PHKB: variants seen among roughly 807,000 people sequenced by gnomAD.
PHKB encodes phosphorylase b kinase regulatory subunit beta.
In PHKB, 122 loss-of-function variants were observed where a neutral mutation model predicts 152.1. That is an observed-to-expected ratio of 0.80 (90% CI 0.69 to 0.93). The LOEUF (loss-of-function observed/expected upper bound fraction) is 0.93. PHKB is among the 40% of genes least tolerant of loss of function. The pLI is 0.00. For missense variants in PHKB, 1,304 were observed against 1,328.4 expected, an observed-to-expected ratio of 0.98 and a Z score of 0.29; for synonymous variants, 436 against 464.9, an observed-to-expected ratio of 0.94 and a Z score of 0.80.
chr16:47,609,092 G>A (rs908608738), intron 13 of PHKB, among the ~76,000 whole-genome samples: 1 of 152,074 alleles, frequency 6.6e-6, no homozygotes, highest in Non-Finnish European at 1.5e-5. Context: ...TTCCTACTTT[G>A]TTGAATGCTT....
At chr16:47,524,058 T>C (rs1475340061) in intron 6 of PHKB, among the ~76,000 whole-genome samples, 2 of 152,196 alleles carry the variant, frequency 1.3e-5, no homozygotes, top group African/African-American at 2.4e-5. Flanking sequence ...CAAAGCTCAC[T>C]CTACTTAGTG....
intron 10 of PHKB, among the ~76,000 whole-genome samples, chr16:47,591,084 T>C (rs1451354059): frequency 6.6e-6 from 1 of 152,198 alleles, no homozygotes; most frequent in Admixed American, 6.5e-5. Context: ...CTCACTTGTT[T>C]TCTTCTGTGA....
intron 5 of PHKB, among the ~76,000 whole-genome samples, chr16:47,513,043 G>A (rs1970536561): frequency 6.6e-6 from 1 of 152,198 alleles, no homozygotes. Flanking sequence ...CAGATTTTAT[G>A]TGTCTTTTCC....
intron 6 of PHKB, among the ~76,000 whole-genome samples, chr16:47,521,820 T>G (rs1052858039): frequency 1.3e-5 from 2 of 152,196 alleles, no homozygotes; most frequent in Non-Finnish European, 2.9e-5. Context: ...GAGATGATTA[T>G]GTGATCTTTG....
At chr16:47,694,755 C>A (rs1388222524) in intron 28 of PHKB, among the ~76,000 whole-genome samples, 1 of 152,152 alleles carries the variant, frequency 6.6e-6, no homozygotes, top group Admixed American at 6.5e-5. Context: ...GGAGTTCAAA[C>A]CCTCTGGCAA....
At position 47,613,008 on chromosome 16, in the gene PHKB, A is replaced by T. The variant is rs559253236; in HGVS notation, c.1458+2088A>T. On this transcript the variant is annotated intron_variant, in intron 14 of 30. Transcript: ENST00000323584. ...ATTTTGTAACTAACTGATCTTTGGGAATTCACTAGGTGCTTTAAACCCTAC... is the reference window on the plus strand; with the variant it reads ...ATTTTGTAACTAACTGATCTTTGGGTATTCACTAGGTGCTTTAAACCCTAC... 2.0e-5 allele frequency among the ~76,000 whole-genome samples: 3 copies of T among 152,300 alleles called. No homozygotes were observed. In the South Asian group the frequency reaches 6.2e-4, roughly 32 times the overall value.
intron 7 of PHKB, among the ~76,000 whole-genome samples, chr16:47,577,450 G>C (rs1345949515): frequency 6.6e-6 from 1 of 151,960 alleles, no homozygotes; most frequent in Non-Finnish European, 1.5e-5. Context: ...CATGTTTTTT[G>C]TTTCTTTTTG....
At chr16:47,622,497 T>C (rs542561403) in intron 14 of PHKB, among the ~76,000 whole-genome samples, 1 of 152,302 alleles carries the variant, frequency 6.6e-6, no homozygotes, top group African/African-American at 2.4e-5. Context: ...GTGAATAAAA[T>C]ACAAGTATTT....
In PHKB at chr16:47,563,147, A is replaced by T. The variant is rs537167152; in HGVS notation, c.710+15599A>T. ...CTTGAACTCCTCACGCTTATCCATGACATTTGGAATCAGCTTCTTCCAAAC... is the reference window on the plus strand; with the variant it reads ...CTTGAACTCCTCACGCTTATCCATGTCATTTGGAATCAGCTTCTTCCAAAC... On this transcript the variant is annotated intron_variant, in intron 7 of 30. Coordinates refer to ENST00000323584, the MANE Select transcript of PHKB (RefSeq NM_000293.3). Among the ~76,000 whole-genome samples the T allele has an allele frequency of 4.0e-5, 6 of 151,734 alleles. No homozygotes were observed. The South Asian group carries it at 6.3e-4, about 16-fold the overall frequency.
chr16:47,675,042 A>G (rs956515872), intron 26 of PHKB, among the ~76,000 whole-genome samples: 2 of 152,208 alleles, frequency 1.3e-5, no homozygotes, highest in Non-Finnish European at 1.5e-5. Flanking sequence ...AAGAGATCTA[A>G]TGTTTGCTGA....
At chr16:47,506,027 CAAAA>C (rs1198434467) in intron 4 of PHKB, among the ~76,000 whole-genome samples, 1 of 50,258 alleles carries the variant, frequency 2.0e-5, no homozygotes, top group Middle Eastern at 0.014. Flanking sequence ...GAAACTGTCT[CAAAA>C]AAAAAAAAAA....
At chr16:47,513,340 G>A (rs771658977) in intron 5 of PHKB, among the ~76,000 whole-genome samples, 18 of 152,206 alleles carry the variant, frequency 1.2e-4, no homozygotes, top group Non-Finnish European at 2.5e-4. Context: ...AATGCTGTAA[G>A]AGAACATATA....
intron 6 of PHKB, among the ~76,000 whole-genome samples, chr16:47,544,519 A>G (rs968974086): frequency 2.0e-5 from 3 of 152,270 alleles, no homozygotes; most frequent in Non-Finnish European, 4.4e-5. Flanking sequence ...TATGTGGTCA[A>G]TTTTGTAATA....
chr16:47,525,474 G>A (rs1210897140), intron 6 of PHKB, among the ~76,000 whole-genome samples: 1 of 152,118 alleles, frequency 6.6e-6, no homozygotes, highest in Non-Finnish European at 1.5e-5. Context: ...AAGAGATGAT[G>A]ACTGTCAATC....
rs75589113 is a variant in PHKB at position 47,540,819 on chromosome 16, G to GTTT, written c.595-6593_595-6591dup. 3.5e-3 allele frequency among the ~76,000 whole-genome samples: 223 copies of GTTT among 64,290 alleles called. 1 individual carries two copies. The highest frequency in any genetic ancestry group is 0.013 in the Middle Eastern group (1 of 76). The allele number at this position is 64,290 out of a possible 152,430, so 42.2% of individuals were successfully genotyped here. On this transcript the variant is annotated intron_variant, in intron 6 of 30. Coordinates refer to ENST00000323584, the MANE Select transcript of PHKB (RefSeq NM_000293.3). The stretch of plus-strand genomic sequence containing the variant: ...CTTTAGTATCTAATCTAAATGTCCT[G>GTTT]TTTTTTTTTTTTTTTTTTTTTTTGG...
At chr16:47,495,912 G>A (rs16945384) in intron 1 of PHKB, among the ~76,000 whole-genome samples, 4,421 of 152,220 alleles carry the variant, frequency 0.029, 138 homozygotes, top group East Asian at 0.089. Flanking sequence ...CTCAGAGCAA[G>A]TCTTATCTAC....
intron 1 of PHKB, among the ~76,000 whole-genome samples, chr16:47,483,075 G>A (rs1467985773): frequency 9.7e-6 from 1 of 102,706 alleles, no homozygotes; most frequent in Non-Finnish European, 1.8e-5. Context: ...GTCTCATTCT[G>A]TCACCCTGGC....
At chr16:47,674,259 C>A (rs1420108869) in intron 26 of PHKB, among the ~76,000 whole-genome samples, 1 of 151,674 alleles carries the variant, frequency 6.6e-6, no homozygotes, top group Non-Finnish European at 1.5e-5. Context: ...GTTAACAGAC[C>A]GAATAAATGA....
chr16:47,650,772 G>T (rs1222076727), intron 19 of PHKB, 59 bp from the exon 20 acceptor site: 2 of 1,242,800 alleles, frequency 1.6e-6, no homozygotes, highest in Non-Finnish European at 2.3e-6. Flanking sequence ...CTTAGTATTA[G>T]ATTATTAATT....
Sources: gnomAD v4.1 joint callset for allele counts (sites outside exome capture counted in the v4.1 genomes callset) on GRCh38, gnomAD v4.1.1 for gene constraint, MANE v1.5 for transcripts, NCBI Gene and HGNC (gene_info 2026-07-23, HGNC 2026-07-21) for gene names.